Variants in PTP4A2 observed in about 807,000 individuals in gnomAD.
PTP4A2 encodes protein tyrosine phosphatase type IVA 2.
Under a neutral mutation model 22.9 loss-of-function variants are expected in PTP4A2, and 2 were observed. The observed-to-expected ratio is 0.09, with a 90% confidence interval of 0.04 to 0.27. PTP4A2 has a LOEUF of 0.27. Among genes scored for constraint, PTP4A2 ranks in the 10% least tolerant of loss-of-function variants. PTP4A2 has a pLI of 1.00. For missense variants in PTP4A2, 103 were observed against 205.1 expected (o/e 0.50, Z 3.04); for synonymous variants, 68 against 69.1 (o/e 0.98, Z 0.08).
intron 1 of PTP4A2, among the ~76,000 whole-genome samples, chr1:31,928,226 A>G (rs1652560695): frequency 6.9e-6 from 1 of 145,890 alleles, no homozygotes; most frequent in Non-Finnish European, 1.5e-5. Context: ...TAAATATAAT[A>G]ATATAATATA....
chr1:31,916,345 C>CAAAAAA (rs1167002913), intron 2 of PTP4A2, among the ~76,000 whole-genome samples: 7 of 35,462 alleles, frequency 2.0e-4, no homozygotes, highest in Non-Finnish European at 4.5e-4. Context: ...ACTCCGTCTC[C>CAAAAAA]AAAAAAAAAA....
intron 1 of PTP4A2, among the ~76,000 whole-genome samples, chr1:31,922,222 C>T (rs1014556012): frequency 2.0e-5 from 3 of 152,212 alleles, no homozygotes; most frequent in Admixed American, 1.3e-4. Context: ...TGATGGCTCA[C>T]GCCTGTATCT....
At chr1:31,932,994 G>A (rs1346861674) in intron 1 of PTP4A2, 1 of 151,838 alleles carries the variant, frequency 6.6e-6, no homozygotes, top group African/African-American at 2.4e-5. Flanking sequence ...TGAAAATGGT[G>A]AAAAGATTTT....
chr1:31,936,871 T>C (rs868737440), intron 1 of PTP4A2, among the ~76,000 whole-genome samples: 19 of 152,190 alleles, frequency 1.2e-4, no homozygotes, highest in African/African-American at 4.6e-4. Context: ...GCAAGTACCA[T>C]ATTCCAACTC....
At chr1:31,925,145 G>A (rs1038154669) in intron 1 of PTP4A2, among the ~76,000 whole-genome samples, 2 of 152,134 alleles carry the variant, frequency 1.3e-5, no homozygotes, top group Admixed American at 6.6e-5. Flanking sequence ...CAGGACTGAA[G>A]GCTGGAGGTC....
intron 1 of PTP4A2, among the ~76,000 whole-genome samples, chr1:31,930,110 G>A (rs540262046): frequency 1.7e-4 from 26 of 152,152 alleles, no homozygotes; most frequent in Admixed American, 5.2e-4. Context: ...AGGCCAAGGC[G>A]GGCGGATCAC....
rs528865238 is a variant in PTP4A2 at position 31,929,016 on chromosome 1, A to G, written c.-594+8971T>C. 3.4e-3 allele frequency among the ~76,000 whole-genome samples: 521 copies of G among 152,320 alleles called. 1 individual carries two copies. The highest frequency in any genetic ancestry group is 5.7e-3 in the Non-Finnish European group (391 of 68,026). ...ACCAAAATGAAAAGGGAGTGGTTTTAGATGTGCATGTACCCCGGTGATTAA... is the reference window on the plus strand; with the variant it reads ...ACCAAAATGAAAAGGGAGTGGTTTTGGATGTGCATGTACCCCGGTGATTAA... On this transcript the variant is annotated intron_variant, in intron 1 of 5. Transcript: ENST00000647444.
intron 4 of PTP4A2, chr1:31,910,516 G>GA (rs2124140261): frequency 6.4e-6 from 1 of 156,764 alleles, no homozygotes; most frequent in East Asian, 1.8e-4. Flanking sequence ...GTCTGCTCTT[G>GA]AACTCCTAGG....
At chr1:31,918,903 A>T (rs896689516) in intron 2 of PTP4A2, 67 bp downstream of exon 2, 3 of 939,462 alleles carry the variant, frequency 3.2e-6, no homozygotes, top group Non-Finnish European at 5.2e-6. Flanking sequence ...GCTTTGTGCT[A>T]AGAGAATTTT....
chr1:31,929,564 T>A (rs952603315), intron 1 of PTP4A2, among the ~76,000 whole-genome samples: 1 of 152,222 alleles, frequency 6.6e-6, no homozygotes, highest in African/African-American at 2.4e-5. Context: ...GTAACCTTCT[T>A]AAGAATAGGA....
At chr1:31,937,419 C>A (rs1652983846) in intron 1 of PTP4A2, among the ~76,000 whole-genome samples, 1 of 151,924 alleles carries the variant, frequency 6.6e-6, no homozygotes, top group South Asian at 2.1e-4. Context: ...ACTATCGCCA[C>A]ACACAAAGAC....
intron 1 of PTP4A2, among the ~76,000 whole-genome samples, chr1:31,920,861 A>G (rs1652116836): frequency 6.6e-6 from 1 of 152,076 alleles, no homozygotes; most frequent in Admixed American, 6.5e-5. Flanking sequence ...TAAACTTCAC[A>G]AAGATCTCCT....
At chr1:31,912,767 A>C (rs1462638794) in intron 3 of PTP4A2, among the ~76,000 whole-genome samples, 4 of 152,192 alleles carry the variant, frequency 2.6e-5, no homozygotes, top group African/African-American at 9.7e-5. Context: ...AGATTGGATA[A>C]GGACACTTTA....
intron 1 of PTP4A2, chr1:31,933,829 G>A (rs912975906): frequency 1.3e-5 from 2 of 152,196 alleles, no homozygotes; most frequent in African/African-American, 2.4e-5. Context: ...AGTTTCAAAT[G>A]AGACAATACA....
chr1:31,913,358 C>T (rs1651644985), intron 3 of PTP4A2, among the ~76,000 whole-genome samples: 1 of 152,298 alleles, frequency 6.6e-6, no homozygotes, highest in Admixed American at 6.5e-5. Flanking sequence ...TTCATTTTAT[C>T]TGATCATAGC....
chr1:31,927,423 C>T (rs1052895804), intron 1 of PTP4A2, among the ~76,000 whole-genome samples: 3 of 152,034 alleles, frequency 2.0e-5, no homozygotes, highest in African/African-American at 4.8e-5. Context: ...TAACTGGTGA[C>T]GAGGTGACAA....
intron 3 of PTP4A2, chr1:31,914,077 T>C (rs1230022774): frequency 1.3e-5 from 5 of 376,822 alleles, no homozygotes; most frequent in Non-Finnish European, 2.6e-5. Flanking sequence ...AAACACATTA[T>C]TGACTGATTG....
intron 1 of PTP4A2, among the ~76,000 whole-genome samples, chr1:31,935,424 G>T (rs906167162): frequency 6.6e-6 from 1 of 152,158 alleles, no homozygotes; most frequent in Non-Finnish European, 1.5e-5. Context: ...GCTCTCCTAA[G>T]TACTAGCTGC....
intron 1 of PTP4A2, among the ~76,000 whole-genome samples, chr1:31,922,594 C>CT (rs997431222): frequency 7.0e-4 from 32 of 45,768 alleles, no homozygotes; most frequent in African/African-American, 3.5e-3. Flanking sequence ...TTGTTTCTTT[C>CT]TTTCTTTCTT....
Sources: allele counts gnomAD v4.1 joint callset (sites outside exome capture counted in the v4.1 genomes callset), GRCh38; gene constraint gnomAD v4.1.1; transcripts MANE v1.5; gene names NCBI Gene and HGNC (gene_info 2026-07-23, HGNC 2026-07-21).